GRID2IP: variants seen among roughly 807,000 people sequenced by gnomAD.
GRID2IP encodes delphilin.
In GRID2IP, 78 loss-of-function variants were observed where a neutral mutation model predicts 114.3. The ratio of observed to expected loss-of-function variants is 0.68; its 90% CI spans 0.57 to 0.82. The LOEUF (loss-of-function observed/expected upper bound fraction) is 0.82. Ranked by LOEUF, GRID2IP falls within the 40% of genes least tolerant of loss-of-function variation. The pLI, the probability that GRID2IP is intolerant of heterozygous loss-of-function variation, is 0.00. For missense variants in GRID2IP, 1,727 were observed against 1,678.5 expected (o/e 1.03, Z -0.51); for synonymous variants, 809 against 724.0 (o/e 1.12, Z -1.89).
intron 7 of GRID2IP, among the ~76,000 whole-genome samples, chr7:6,517,826 C>T (rs146301775): frequency 4.0e-5 from 6 of 151,828 alleles, no homozygotes; most frequent in Non-Finnish European, 5.9e-5. Context: ...ACACTTGAAC[C>T]GGGAAGGCAG....
chr7:6,501,134 T>C (rs528211021), intron 20 of GRID2IP, among the ~76,000 whole-genome samples: 3 of 152,290 alleles, frequency 2.0e-5, no homozygotes, highest in Non-Finnish European at 4.4e-5. Flanking sequence ...GTAGATCACC[T>C]GAGGTCAGGA....
rs1011460525 is a variant in GRID2IP, at chr7:6,506,590, A to C, written c.2545-683T>G. On this transcript the variant is annotated intron_variant, in intron 13 of 21. Transcript: ENST00000457091. This position sits in a 1 kb window ranked among gnomAD's most constrained non-coding sequence, Gnocchi z 5.2. ...AACCAATGGAAGAACCACGCTGTGGAGCAATACTTGAAGATCGGTCCAAGG... is the reference window on the plus strand; with the variant it reads ...AACCAATGGAAGAACCACGCTGTGGCGCAATACTTGAAGATCGGTCCAAGG... Among the ~76,000 whole-genome samples the C allele has an allele frequency of 4.6e-5, 7 of 151,534 alleles. No individual in the cohort carries two copies. Among genetic ancestry groups the C allele is most frequent in the Admixed American group, 1.3e-4 (2 of 15,214 alleles).
At chr7:6,498,807 A>T (rs1424544089) in intron 20 of GRID2IP, among the ~76,000 whole-genome samples, 2 of 149,614 alleles carry the variant, frequency 1.3e-5, no homozygotes, top group South Asian at 2.1e-4. Context: ...GTGGTCTCAA[A>T]CTCCTGGGCT....
intron 14 of GRID2IP, among the ~76,000 whole-genome samples, chr7:6,505,357 CTT>C (rs11352946): frequency 0.017 from 2,030 of 119,380 alleles, 49 homozygotes; most frequent in African/African-American, 0.056. Flanking sequence ...TAAATGCCAG[CTT>C]TTTTTTTTTT....
chr7:6,540,327 G>C (rs1779793950), intron 1 of GRID2IP, among the ~76,000 whole-genome samples: 1 of 151,768 alleles, frequency 6.6e-6, no homozygotes, highest in South Asian at 2.1e-4. Flanking sequence ...GGTCAGGCTA[G>C]TTTTGAACTC....
chr7:6,537,106 G>T (rs1376674651), intron 2 of GRID2IP, among the ~76,000 whole-genome samples: 1 of 152,108 alleles, frequency 6.6e-6, no homozygotes, highest in African/African-American at 2.4e-5. Flanking sequence ...CGGGATCCGG[G>T]GAGGGAGAAC....
chr7:6,514,417 G>T lies in GRID2IP; in HGVS notation c.1381C>A (p.Gln461Lys). The T allele has an allele frequency of 6.5e-7, 1 of 1,547,092 alleles. No homozygotes were observed. The highest frequency in any genetic ancestry group is 1.2e-5 in the South Asian group (1 of 83,742). Reference sequence around the variant, plus strand: ...CCCAGGAAGCATGCGATTTTCTCCTGACAGAGCTCCTGCTCCTCATAGGTC... The same window carrying T: ...CCCAGGAAGCATGCGATTTTCTCCTTACAGAGCTCCTGCTCCTCATAGGTC... ...LLTYEEQELC[Q>K]EKIACFLGYT... is the part of the protein sequence containing the mutation. The change falls in exon 8 of 22, where the codon CAG (glutamine) becomes AAG (lysine). Residue 461 changes from glutamine (Q) to lysine (K), a missense_variant. Coordinates refer to ENST00000457091, the MANE Select transcript of GRID2IP (RefSeq NM_001145118.2).
chr7:6,522,485 G>T (rs1038089498), intron 4 of GRID2IP, among the ~76,000 whole-genome samples: 3 of 151,618 alleles, frequency 2.0e-5, no homozygotes, highest in African/African-American at 4.9e-5. Flanking sequence ...TGCTTCAGGA[G>T]AATTATTTTC....
At chr7:6,539,039 A>G (rs544802525) in intron 2 of GRID2IP, among the ~76,000 whole-genome samples, 1 of 152,258 alleles carries the variant, frequency 6.6e-6, no homozygotes, top group African/African-American at 2.4e-5. Flanking sequence ...ACATTGTGCC[A>G]TTATCCTGTC....
intron 17 of GRID2IP, 38 bp downstream of exon 17, chr7:6,502,970 G>A: frequency 6.4e-7 from 1 of 1,550,938 alleles, no homozygotes; most frequent in Non-Finnish European, 8.7e-7. Context: ...AGGAGGCAGA[G>A]AAGCAGATAG....
intron 1 of GRID2IP, among the ~76,000 whole-genome samples, chr7:6,541,572 G>A (rs1194883532): frequency 3.9e-5 from 6 of 152,338 alleles, no homozygotes; most frequent in Admixed American, 2.0e-4. Flanking sequence ...CATTGGAAAT[G>A]AGCGTGCAAA....
chr7:6,517,298 C>T (rs938948358), intron 7 of GRID2IP, among the ~76,000 whole-genome samples: 2 of 151,760 alleles, frequency 1.3e-5, no homozygotes, highest in African/African-American at 4.8e-5. Context: ...ACCTCGTGAT[C>T]TGCCCATCTC....
intron 1 of GRID2IP, 125 bp from the exon 2 acceptor site, chr7:6,539,997 G>C: frequency 2.0e-5 from 15 of 739,070 alleles, no homozygotes; most frequent in Non-Finnish European, 2.9e-5. Context: ...CGTACCACCT[G>C]AGTGCTATGC....
chr7:6,545,323 C>T (rs1453291992), intron 1 of GRID2IP, among the ~76,000 whole-genome samples: 1 of 152,094 alleles, frequency 6.6e-6, no homozygotes, highest in Non-Finnish European at 1.5e-5. Context: ...ATCCTGAAAG[C>T]TGCTCATTCT....
rs930681225 is a variant in GRID2IP at position 6,511,004 on chromosome 7, G to A, written c.1459C>T (p.Pro487Ser). 2 of 1,514,162 alleles carry A rather than the reference G, an allele frequency of 1.3e-6. 1 individual carries two copies. Among genetic ancestry groups the A allele is most frequent in the African/African-American group, 2.8e-5 (2 of 70,382 alleles). The allele number at this position is 1,514,162 out of a possible 1,614,324, so 93.8% of individuals were successfully genotyped here. A position where few individuals can be genotyped will look rare whatever the true frequency, so the allele number is the denominator to read the frequency against. The change falls in exon 9 of 22, where the codon CCC becomes TCC. Residue 487 changes from proline (P) to serine (S), a missense_variant. By Grantham distance (74) the Pro-to-Ser change is moderately conservative. Transcript: ENST00000457091. The stretch of plus-strand genomic sequence containing the variant: ...CTCCGCGGCTGGGGCTCAGGCGTGG[G>A]CTCGGACTCCAGGTCCAGCTCAGGC... ...PEPELDLESE[P>S]TPEPQPRSSL...
chr7:6,545,941 G>C (rs1463013037), intron 1 of GRID2IP, among the ~76,000 whole-genome samples: 1 of 152,074 alleles, frequency 6.6e-6, no homozygotes, highest in Non-Finnish European at 1.5e-5. Context: ...GCTGGCTGCA[G>C]AGATGTTTTA....
Position 6,536,832 on chromosome 7 carries a change from C to A in GRID2IP, c.584+2886G>T. 2.9e-6 allele frequency: 2 copies of A among 701,642 alleles called. No individual in the cohort carries two copies. The highest frequency in any genetic ancestry group is 1.5e-5 in the South Asian group (1 of 67,562). 43.5% of individuals were successfully genotyped at this position (701,642 alleles called of 1,614,324 possible). On this transcript the variant is annotated intron_variant, in intron 2 of 21. Transcript: ENST00000457091. This position sits in a 1 kb window ranked among gnomAD's most constrained non-coding sequence, Gnocchi z 5.3. ...GCAAGGGGCTCACCCCTTACTCACC[C>A]CAGGCAGCTCATGGTGGCCTCTTTC...
In GRID2IP at chr7:6,497,635, C is replaced by T. The variant is rs373275597; in HGVS notation, c.*139G>A. 1.8e-4 allele frequency: 106 copies of T among 602,646 alleles called. No homozygotes were observed. The highest frequency in any genetic ancestry group is 4.6e-4 in the African/African-American group (24 of 52,422). The allele number at this position is 602,646 out of a possible 1,614,324, so 37.3% of individuals were successfully genotyped here. A position where few individuals can be genotyped will look rare whatever the true frequency, so the allele number is the denominator to read the frequency against. ...AGAGGAGGGCCCGACCACAGCTCGG[C>T]GGCTGAGGTAGCTGCAGGAGAGGCT... On this transcript the variant is annotated 3_prime_UTR_variant, in exon 22 of 22. Coordinates refer to ENST00000457091, the MANE Select transcript of GRID2IP (RefSeq NM_001145118.2).
At chr7:6,499,382 C>T (rs1302135232) in intron 20 of GRID2IP, among the ~76,000 whole-genome samples, 1 of 152,180 alleles carries the variant, frequency 6.6e-6, no homozygotes, top group Non-Finnish European at 1.5e-5. Context: ...TGGGCCTATG[C>T]CTGTCTGATG....
Sources: gnomAD v4.1 joint callset for allele counts (sites outside exome capture counted in the v4.1 genomes callset) on GRCh38, gnomAD v4.1.1 for gene constraint, Gnocchi (gnomAD v3.1) non-coding constraint, MANE v1.5 for transcripts, NCBI Gene and HGNC (gene_info 2026-07-23, HGNC 2026-07-21) for gene names.